Variants in ZNF644 observed in about 807,000 individuals in gnomAD.
ZNF644 encodes zinc finger motif enhancer binding protein 2.
A neutral mutation model predicts 108.0 loss-of-function variants in ZNF644; 20 were observed. The ratio of observed to expected loss-of-function variants is 0.19; its 90% CI spans 0.13 to 0.27. ZNF644 has a LOEUF of 0.27. Among genes scored for constraint, ZNF644 ranks in the 10% least tolerant of loss-of-function variants. The probability of loss-of-function intolerance (pLI) is 1.00; values close to 1 mark genes in which losing one functional copy is unlikely to be tolerated. For missense variants in ZNF644, 1,338 were observed against 1,548.9 expected (o/e 0.86, Z 2.29); for synonymous variants, 542 against 539.1 (o/e 1.01, Z -0.08).
At chr1:90,933,990 G>C (rs1268666984) in intron 4 of ZNF644, among the ~76,000 whole-genome samples, 1 of 152,148 alleles carries the variant, frequency 6.6e-6, no homozygotes, top group East Asian at 1.9e-4. Context: ...ATAGCATAGT[G>C]CCTGACACAT....
intron 1 of ZNF644, among the ~76,000 whole-genome samples, chr1:91,006,769 C>T (rs1659458005): frequency 6.6e-6 from 1 of 151,150 alleles, no homozygotes; most frequent in African/African-American, 2.5e-5. Flanking sequence ...TCACTCTTCT[C>T]CTGTAATGCA....
chr1:90,930,457 T>C (rs968294557), intron 4 of ZNF644, among the ~76,000 whole-genome samples: 3 of 152,142 alleles, frequency 2.0e-5, no homozygotes, highest in South Asian at 2.1e-4. Flanking sequence ...AAAATGTGGA[T>C]AGAATGAGTA....
At position 90,939,437 on chromosome 1, in the gene ZNF644, G is replaced by A. The variant is rs1651715299; in HGVS notation, c.1917C>T (p.Ser639=). ...DILEEPVDSD[S]TKTLTKQQST... Reference sequence around the variant, plus strand: ...ACTGTTGTTTAGTTAATGTTTTAGTGCTATCACTATCTACAGGTTCTTCAA... The same window carrying A: ...ACTGTTGTTTAGTTAATGTTTTAGTACTATCACTATCTACAGGTTCTTCAA... Residue 639 remains serine (S), a synonymous_variant, in exon 3 of 6, where the codon AGC becomes AGT. Coordinates refer to ENST00000337393, the MANE Select transcript of ZNF644 (RefSeq NM_201269.3). The A allele has an allele frequency of 6.2e-7, 1 of 1,613,726 alleles. No individual in the cohort carries two copies. The highest frequency in any genetic ancestry group is 1.7e-5 in the Admixed American group (1 of 59,972).
At chr1:90,929,974 T>A (rs1349648559) in intron 4 of ZNF644, among the ~76,000 whole-genome samples, 1 of 152,222 alleles carries the variant, frequency 6.6e-6, no homozygotes, top group African/African-American at 2.4e-5. Flanking sequence ...AATTGGGCTT[T>A]ACTTCCAAAA....
chr1:90,949,013 A>G (rs1447371451), intron 2 of ZNF644, among the ~76,000 whole-genome samples: 1 of 152,158 alleles, frequency 6.6e-6, no homozygotes, highest in Non-Finnish European at 1.5e-5. Context: ...AATGAGAAAT[A>G]GAACTTGAAT....
chr1:90,959,076 A>G lies in ZNF644; in HGVS notation c.45-17767T>C, dbSNP rs536421823. Among the ~76,000 whole-genome samples the G allele has an allele frequency of 5.3e-5, 8 of 152,260 alleles. No individual in the cohort carries two copies. In the South Asian group the frequency reaches 1.0e-3, roughly 20 times the overall value. ...TAAAAAACTCAACAACAAAAAGACA[A>G]CCTAATTTTTTAAATGAGCAAAGGA... On this transcript the variant is annotated intron_variant, in intron 2 of 5. Transcript: ENST00000337393.
intron 4 of ZNF644, among the ~76,000 whole-genome samples, chr1:90,924,015 G>A (rs566787078): frequency 5.3e-5 from 8 of 152,220 alleles, no homozygotes; most frequent in African/African-American, 1.7e-4. Context: ...TCAAAGTAGA[G>A]GGGATGATTA....
intron 1 of ZNF644, among the ~76,000 whole-genome samples, chr1:91,014,695 T>C (rs1557667229): frequency 6.6e-6 from 1 of 152,280 alleles, no homozygotes; most frequent in East Asian, 1.9e-4. Flanking sequence ...ACAAAGAGCC[T>C]TTATATGGTG....
intron 5 of ZNF644, 98 bp from the exon 6 acceptor site, chr1:90,917,088 T>C: frequency 8.0e-7 from 1 of 1,249,772 alleles, no homozygotes; most frequent in Non-Finnish European, 1.1e-6. Flanking sequence ...CTTTATCATA[T>C]TTTAAAGACA....
At chr1:90,992,638 TTGAAAATTAATCTAATTTTACCAAC>T (rs1657756293) in intron 1 of ZNF644, among the ~76,000 whole-genome samples, 1 of 152,206 alleles carries the variant, frequency 6.6e-6, no homozygotes, top group Non-Finnish European at 1.5e-5. Context: ...GAATTAAACA[TTGAAAATTAATCTAATTTTACCAAC>T]TGAAACAAAA....
At chr1:91,021,697 C>G (rs1660947208) in intron 1 of ZNF644, 1 of 172,758 alleles carries the variant, frequency 5.8e-6, no homozygotes, top group Non-Finnish European at 1.2e-5. Flanking sequence ...ACCTCAGGCT[C>G]CGTGGCCCCC....
intron 4 of ZNF644, among the ~76,000 whole-genome samples, chr1:90,919,913 C>T (rs1649233315): frequency 6.6e-6 from 1 of 152,056 alleles, no homozygotes; most frequent in Non-Finnish European, 1.5e-5. Flanking sequence ...GCTGCAGTCA[C>T]ACATACTTCA....
At chr1:90,937,418 C>T in intron 4 of ZNF644, 67 bp downstream of exon 4, 1 of 1,602,962 alleles carries the variant, frequency 6.2e-7, no homozygotes, top group Non-Finnish European at 8.5e-7. Context: ...CACATAGATT[C>T]CATTAAAGAA....
At chr1:90,984,753 A>T (rs766137550) in intron 1 of ZNF644, among the ~76,000 whole-genome samples, 1 of 152,132 alleles carries the variant, frequency 6.6e-6, no homozygotes, top group African/African-American at 2.4e-5. Context: ...CTCTCTGCAA[A>T]AGAGAGATGC....
At chr1:90,943,612 T>C (rs559778082) in intron 2 of ZNF644, among the ~76,000 whole-genome samples, 1 of 152,312 alleles carries the variant, frequency 6.6e-6, no homozygotes, top group African/African-American at 2.4e-5. Context: ...AATCATTTTT[T>C]CCACCCCTCG....
intron 1 of ZNF644, among the ~76,000 whole-genome samples, chr1:90,994,271 A>G (rs2101613653): frequency 6.6e-6 from 1 of 152,330 alleles, no homozygotes; most frequent in Admixed American, 6.5e-5. Flanking sequence ...TAAAGACATC[A>G]TCCTATAGAT....
rs1323571435 is a variant in ZNF644 at position 90,940,107 on chromosome 1, T to C, written c.1247A>G (p.Asn416Ser). 4.3e-6 allele frequency: 7 copies of C among 1,613,948 alleles called. No individual in the cohort carries two copies. The highest frequency in any genetic ancestry group is 5.9e-6 in the Non-Finnish European group (7 of 1,179,962). ...EPSFYPCTKC[N>S]VNFREKKHLH... is the part of the protein sequence containing the mutation. Reference sequence around the variant, plus strand: ...GTGCTTCTTCTCCCTAAAATTCACATTGCACTTTGTACAGGGGTAGAATGA... The same window carrying C: ...GTGCTTCTTCTCCCTAAAATTCACACTGCACTTTGTACAGGGGTAGAATGA... Residue 416 changes from asparagine to serine, a missense_variant, in exon 3 of 6, where the codon AAT becomes AGT. By Grantham distance (46) the Asn-to-Ser change is conservative. Around this residue, in one of 6 missense-constraint regions of ZNF644, gnomAD observed 80 missense variants for 183.0 expected, o/e 0.44. Coordinates refer to ENST00000337393, the MANE Select transcript of ZNF644 (RefSeq NM_201269.3).
chr1:90,922,185 T>G (rs1280790857), intron 4 of ZNF644, among the ~76,000 whole-genome samples: 1 of 152,176 alleles, frequency 6.6e-6, no homozygotes, highest in Non-Finnish European at 1.5e-5. Context: ...ATAACTAAAT[T>G]AACATTCGCC....
chr1:90,983,507 A>C (rs764910257), intron 1 of ZNF644, among the ~76,000 whole-genome samples: 17 of 151,356 alleles, frequency 1.1e-4, no homozygotes, highest in Non-Finnish European at 1.8e-4. Flanking sequence ...AAAAAGAAGA[A>C]GTCTTTGTAG....
Sources: allele counts gnomAD v4.1 joint callset (sites outside exome capture counted in the v4.1 genomes callset), GRCh38; gene constraint gnomAD v4.1.1; regional missense constraint gnomAD v4.1.1; transcripts MANE v1.5; gene names NCBI Gene and HGNC (gene_info 2026-07-23, HGNC 2026-07-21).